RALYL: variants seen among roughly 807,000 people sequenced by gnomAD.
The protein encoded by RALYL is RNA-binding Raly-like protein.
Under a neutral mutation model 35.1 loss-of-function variants are expected in RALYL, and 29 were observed. That is an observed-to-expected ratio of 0.83 (90% CI 0.61 to 1.13). The LOEUF (loss-of-function observed/expected upper bound fraction) is 1.13, where lower values mean the gene tolerates loss of function less well. Among genes scored for constraint, RALYL ranks in the 50% most tolerant of loss-of-function variants. The probability of loss-of-function intolerance (pLI) is 0.00; values close to 1 mark genes in which losing one functional copy is unlikely to be tolerated. For missense variants in RALYL, 359 were observed against 360.4 expected (o/e 1.00, Z 0.03); for synonymous variants, 120 against 127.6 (o/e 0.94, Z 0.40).
intron 8 of RALYL, among the ~76,000 whole-genome samples, chr8:84,889,590 C>T (rs75848176): frequency 0.02 from 2,980 of 152,202 alleles, 195 homozygotes; most frequent in Admixed American, 0.13. Flanking sequence ...AATACTAGAG[C>T]GTTAAATATT....
At chr8:84,495,792 A>G (rs935940862) in intron 1 of RALYL, among the ~76,000 whole-genome samples, 1 of 152,076 alleles carries the variant, frequency 6.6e-6, no homozygotes, top group Non-Finnish European at 1.5e-5. Flanking sequence ...TCAGCATTAC[A>G]GCCAGAAGCA....
intron 8 of RALYL, among the ~76,000 whole-genome samples, chr8:84,891,287 C>T (rs1459038107): frequency 6.6e-6 from 1 of 152,174 alleles, no homozygotes; most frequent in Non-Finnish European, 1.5e-5. Flanking sequence ...ATTTCAGTCC[C>T]AGATCTGTCA....
intron 3 of RALYL, among the ~76,000 whole-genome samples, chr8:84,804,385 G>A (rs1824098622): frequency 6.6e-6 from 1 of 152,058 alleles, no homozygotes; most frequent in Admixed American, 6.6e-5. Context: ...CATGTAACAA[G>A]CACATTATAA....
chr8:84,317,857 C>A (rs1844050856), intron 1 of RALYL, among the ~76,000 whole-genome samples: 2 of 152,268 alleles, frequency 1.3e-5, no homozygotes, highest in East Asian at 1.9e-4. Flanking sequence ...CGGAAACTGG[C>A]TATTTTATGC....
intron 2 of RALYL, among the ~76,000 whole-genome samples, chr8:84,622,224 G>A (rs1440046125): frequency 1.3e-5 from 2 of 152,140 alleles, no homozygotes; most frequent in South Asian, 2.1e-4. Context: ...GGGGTCATAC[G>A]TGGTAATAAC....
chr8:84,916,509 T>C (rs1161293257), intron 8 of RALYL, among the ~76,000 whole-genome samples: 1 of 151,990 alleles, frequency 6.6e-6, no homozygotes, highest in Non-Finnish European at 1.5e-5. Flanking sequence ...TCTCATAAGA[T>C]CTGATGGTGC....
chr8:84,333,802 A>G lies in RALYL; in HGVS notation c.-24+149378A>G, dbSNP rs766203595. On this transcript the variant is annotated intron_variant, in intron 1 of 8. Transcript: ENST00000521268. ...ATGTAGATAATCCTCTTGAGTATATACCTCAATAGTAAATTAATTAATTTA... is the reference window on the plus strand; with the variant it reads ...ATGTAGATAATCCTCTTGAGTATATGCCTCAATAGTAAATTAATTAATTTA... Among the ~76,000 whole-genome samples, 93 of 152,264 alleles carry G rather than the reference A, an allele frequency of 6.1e-4. 1 individual carries two copies. Among genetic ancestry groups the G allele is most frequent in the Non-Finnish European group, 9.1e-4 (62 of 68,018 alleles).
At chr8:84,194,688 C>T (rs1814785546) in intron 1 of RALYL, among the ~76,000 whole-genome samples, 1 of 152,114 alleles carries the variant, frequency 6.6e-6, no homozygotes, top group East Asian at 1.9e-4. Flanking sequence ...TCTGTTGCTG[C>T]TGCTCTGTTG....
intron 2 of RALYL, among the ~76,000 whole-genome samples, chr8:84,634,877 T>C: frequency 6.6e-6 from 1 of 151,790 alleles, no homozygotes; most frequent in East Asian, 1.9e-4. Flanking sequence ...TAAACTGCTA[T>C]GTTCCTTTAG....
rs376116915 is a variant in RALYL at position 84,718,516 on chromosome 8, C to A, written c.257-56063C>A. Among the ~76,000 whole-genome samples, 15 of 152,246 alleles carry A rather than the reference C, an allele frequency of 9.9e-5. No homozygotes were observed. The East Asian group carries it at 2.5e-3, about 25-fold the overall frequency. On this transcript the variant is annotated intron_variant, in intron 2 of 8. Transcript: ENST00000521268. ...CGGTGGCTCATGCCTGTAATCCCAGCACTTTGGGAGGCCTAGGTGGGCAGA... is the reference window on the plus strand; with the variant it reads ...CGGTGGCTCATGCCTGTAATCCCAGAACTTTGGGAGGCCTAGGTGGGCAGA...
intron 2 of RALYL, among the ~76,000 whole-genome samples, chr8:84,750,313 A>G (rs1362234296): frequency 6.6e-6 from 1 of 152,208 alleles, no homozygotes; most frequent in Non-Finnish European, 1.5e-5. Flanking sequence ...GCGGTTTTTA[A>G]CAAGATAGAA....
chr8:84,663,802 G>A (rs939610762), intron 2 of RALYL, among the ~76,000 whole-genome samples: 9 of 152,070 alleles, frequency 5.9e-5, no homozygotes, highest in African/African-American at 1.9e-4. Flanking sequence ...CCTTTGCTGT[G>A]CAGAGCTCTT....
intron 1 of RALYL, among the ~76,000 whole-genome samples, chr8:84,308,257 T>C (rs566279723): frequency 2.6e-5 from 4 of 152,164 alleles, no homozygotes; most frequent in Middle Eastern, 6.8e-3. Flanking sequence ...ATAAACCATC[T>C]TGACAAAAAT....
intron 1 of RALYL, among the ~76,000 whole-genome samples, chr8:84,497,642 G>GTTTTTTTTTTTTTTTTTTTTTTT (rs71271999): frequency 8.5e-6 from 1 of 117,242 alleles, no homozygotes; most frequent in Non-Finnish European, 1.7e-5. Context: ...TTTTGTTTTT[G>GTTTTTTTTTTTTTTTTTTTTTTT]TTTTTTTTTT....
At chr8:84,386,138 C>G (rs1859147463) in intron 1 of RALYL, among the ~76,000 whole-genome samples, 1 of 151,776 alleles carries the variant, frequency 6.6e-6, no homozygotes, top group Admixed American at 6.6e-5. Context: ...AAATAGACTA[C>G]ATTTAAGAAT....
intron 2 of RALYL, among the ~76,000 whole-genome samples, chr8:84,595,881 C>A (rs755344328): frequency 3.1e-4 from 46 of 149,840 alleles, no homozygotes; most frequent in Admixed American, 7.4e-4. Flanking sequence ...CTCATGGGAA[C>A]AGCAGGCAGG....
In RALYL at chr8:84,337,147, A is replaced by G. The variant is rs370472956; in HGVS notation, c.-24+152723A>G. ...TTGAAGCCTACATCACAGCATTACAATGGAAAGCTAGACTGTTACTATTTT... is the reference window on the plus strand; with the variant it reads ...TTGAAGCCTACATCACAGCATTACAGTGGAAAGCTAGACTGTTACTATTTT... On this transcript the variant is annotated intron_variant, in intron 1 of 8. Transcript: ENST00000521268. 4.6e-5 allele frequency among the ~76,000 whole-genome samples: 7 copies of G among 151,648 alleles called. No homozygotes were observed. The East Asian group carries it at 9.7e-4, about 21-fold the overall frequency.
chr8:84,185,303 A>G (rs1812236219), intron 1 of RALYL: 1 of 477,740 alleles, frequency 2.1e-6, no homozygotes, highest in Non-Finnish European at 3.8e-6. Flanking sequence ...TAACCACCTG[A>G]TACTGGCTCT....
intron 1 of RALYL, among the ~76,000 whole-genome samples, chr8:84,442,228 A>C (rs551604326): frequency 2.0e-5 from 3 of 152,264 alleles, no homozygotes; most frequent in Admixed American, 6.5e-5. Flanking sequence ...ATGAAAAAAG[A>C]TTATAAATAT....
Sources: allele counts gnomAD v4.1 joint callset (sites outside exome capture counted in the v4.1 genomes callset), GRCh38; gene constraint gnomAD v4.1.1; transcripts MANE v1.5; gene names NCBI Gene and HGNC (gene_info 2026-07-23, HGNC 2026-07-21).